TMEM132D: variants seen among roughly 807,000 people sequenced by gnomAD.
TMEM132D encodes the protein mature OL transmembrane protein.
In TMEM132D, 21 loss-of-function variants were observed where a neutral mutation model predicts 62.3. That is an observed-to-expected ratio of 0.34 (90% CI 0.24 to 0.49). The LOEUF (loss-of-function observed/expected upper bound fraction) is 0.49, where lower values mean the gene tolerates loss of function less well. Among genes scored for constraint, TMEM132D ranks in the 20% least tolerant of loss-of-function variants. The probability of loss-of-function intolerance (pLI) is 0.99; values close to 1 mark genes in which losing one functional copy is unlikely to be tolerated. For synonymous variants in TMEM132D, 621 were observed against 575.6 expected (o/e 1.08, Z -1.13); for missense variants, 1,346 against 1,402.8 (o/e 0.96, Z 0.65).
At chr12:129,828,742 GGGAGGGAGGGAGGAAA>G (rs1566000150) in intron 1 of TMEM132D, among the ~76,000 whole-genome samples, 12 of 54,104 alleles carry the variant, frequency 2.2e-4, no homozygotes, top group Non-Finnish European at 3.0e-4. Flanking sequence ...GAGGAAAGGA[GGGAGGGAGGGAGGAAA>G]GGAGGGAGGG....
chr12:129,172,441 C>T (rs540112242), intron 5 of TMEM132D, among the ~76,000 whole-genome samples: 8 of 152,222 alleles, frequency 5.3e-5, no homozygotes, highest in Non-Finnish European at 1.0e-4. Flanking sequence ...CTAACTGAGG[C>T]GAGAGGCCTA....
At chr12:129,278,567 AG>A (rs1881059255) in intron 4 of TMEM132D, among the ~76,000 whole-genome samples, 1 of 152,170 alleles carries the variant, frequency 6.6e-6, no homozygotes, top group African/African-American at 2.4e-5. Flanking sequence ...TCTAGGGCCA[AG>A]AAGCCATTTG....
At chr12:129,504,593 G>C (rs1356106119) in intron 3 of TMEM132D, among the ~76,000 whole-genome samples, 1 of 152,064 alleles carries the variant, frequency 6.6e-6, no homozygotes, top group East Asian at 1.9e-4. Flanking sequence ...ATTTGTAATT[G>C]AGTTCATTTG....
chr12:129,112,585 C>T (rs369055035), intron 5 of TMEM132D, among the ~76,000 whole-genome samples: 7 of 152,204 alleles, frequency 4.6e-5, no homozygotes, highest in East Asian at 3.9e-4. Flanking sequence ...ATCACTTGAA[C>T]CTGGGAGGCA....
chr12:129,530,830 A>G (rs575463801), intron 3 of TMEM132D, among the ~76,000 whole-genome samples: 4 of 152,214 alleles, frequency 2.6e-5, no homozygotes, highest in Non-Finnish European at 4.4e-5. Flanking sequence ...CAGTCCTTGC[A>G]GGTGATACGG....
At chr12:129,465,822 A>G (rs1297684115) in intron 3 of TMEM132D, among the ~76,000 whole-genome samples, 1 of 152,148 alleles carries the variant, frequency 6.6e-6, no homozygotes, top group Non-Finnish European at 1.5e-5. Context: ...AGCTGGGATC[A>G]CAGTCACGTA....
In TMEM132D at chr12:129,300,239, TCA is replaced by T. The variant is rs1431418456; in HGVS notation, c.1299+37393_1299+37394del. 7.9e-5 allele frequency among the ~76,000 whole-genome samples: 12 copies of T among 152,226 alleles called. No homozygotes were observed. The East Asian group carries it at 2.1e-3, about 27-fold the overall frequency. ...CAATACTCTCAAGGCCGACCAACAC[TCA>T]GAGAAGTGATTAACCTGCAAAGCAA... is the stretch of plus-strand genomic sequence containing the variant. On this transcript the variant is annotated intron_variant, in intron 4 of 8. Coordinates refer to ENST00000422113, the MANE Select transcript of TMEM132D (RefSeq NM_133448.3).
rs959691098 is a variant in TMEM132D at position 129,781,645 on chromosome 12, G to T, written c.80-80947C>A. Among the ~76,000 whole-genome samples the T allele has an allele frequency of 2.0e-5, 3 of 152,034 alleles. No individual in the cohort carries two copies. In the East Asian group the frequency reaches 5.8e-4, roughly 29 times the overall value. On this transcript the variant is annotated intron_variant, in intron 1 of 8. Coordinates refer to ENST00000422113, the MANE Select transcript of TMEM132D (RefSeq NM_133448.3). ...TGCTTTGGTTACCACTATCACATCTGCATCCCAGCCTGTAGGAAGCAAAGA... is the reference window on the plus strand; with the variant it reads ...TGCTTTGGTTACCACTATCACATCTTCATCCCAGCCTGTAGGAAGCAAAGA...
intron 5 of TMEM132D, chr12:129,111,334 T>G (rs1875694646): frequency 6.6e-6 from 1 of 152,174 alleles, no homozygotes; most frequent in Admixed American, 6.5e-5. Context: ...TGCCTACACC[T>G]TGATTTGGAT....
chr12:129,729,157 T>TAC, intron 1 of TMEM132D, among the ~76,000 whole-genome samples: 1 of 152,312 alleles, frequency 6.6e-6, no homozygotes, highest in East Asian at 1.9e-4. Context: ...CCACAGTCTC[T>TAC]ACCCAGCCCT....
chr12:129,121,396 C>A (rs953685483), intron 5 of TMEM132D, among the ~76,000 whole-genome samples: 3 of 152,136 alleles, frequency 2.0e-5, no homozygotes, highest in Admixed American at 6.5e-5. Context: ...TGCACCTGGC[C>A]CACTAGTCAG....
chr12:129,392,377 A>G (rs1871311460), intron 3 of TMEM132D, among the ~76,000 whole-genome samples: 1 of 152,186 alleles, frequency 6.6e-6, no homozygotes, highest in Non-Finnish European at 1.5e-5. Context: ...TATTTCTTAA[A>G]AGTTCCCAGC....
intron 4 of TMEM132D, among the ~76,000 whole-genome samples, chr12:129,276,358 C>T (rs1009162788): frequency 6.6e-6 from 1 of 152,258 alleles, no homozygotes; most frequent in Admixed American, 6.5e-5. Flanking sequence ...GCGTGGAGAG[C>T]GTGCCAATTT....
At chr12:129,262,340 C>T (rs1434511805) in intron 4 of TMEM132D, 3 of 152,282 alleles carry the variant, frequency 2.0e-5, no homozygotes, top group South Asian at 4.1e-4. Context: ...TTAGTAGTAA[C>T]ATTATAACCC....
chr12:129,701,938 C>T (rs555786070), intron 1 of TMEM132D, among the ~76,000 whole-genome samples: 1 of 152,276 alleles, frequency 6.6e-6, no homozygotes, highest in South Asian at 2.1e-4. Context: ...GCCAAGAGCT[C>T]GGAGGCAGGG....
intron 2 of TMEM132D, among the ~76,000 whole-genome samples, chr12:129,572,028 C>T (rs1194103952): frequency 6.6e-6 from 1 of 152,132 alleles, no homozygotes; most frequent in Non-Finnish European, 1.5e-5. Flanking sequence ...CAAGAGGTGA[C>T]CTCATCCGCA....
intron 2 of TMEM132D, among the ~76,000 whole-genome samples, chr12:129,628,630 C>T (rs1027897288): frequency 1.3e-5 from 2 of 152,116 alleles, no homozygotes; most frequent in Admixed American, 6.5e-5. Context: ...ATTGCCTCAT[C>T]GGGGAATCAT....
intron 4 of TMEM132D, among the ~76,000 whole-genome samples, chr12:129,302,197 C>A (rs905910720): frequency 6.6e-6 from 1 of 152,246 alleles, no homozygotes; most frequent in Non-Finnish European, 1.5e-5. Context: ...TCACTGCAAC[C>A]TCTGCCTCCC....
intron 2 of TMEM132D, among the ~76,000 whole-genome samples, chr12:129,645,656 T>C (rs1172560642): frequency 6.6e-6 from 1 of 152,138 alleles, no homozygotes; most frequent in Non-Finnish European, 1.5e-5. Flanking sequence ...ATAACCAGTG[T>C]TGAGATAGGG....
Sources: gnomAD v4.1 joint callset for allele counts (sites outside exome capture counted in the v4.1 genomes callset) on GRCh38, gnomAD v4.1.1 for gene constraint, MANE v1.5 for transcripts, NCBI Gene and HGNC (gene_info 2026-07-23, HGNC 2026-07-21) for gene names.